Variants in SPP2 observed in about 807,000 individuals in gnomAD.
SPP2 encodes secreted phosphoprotein 2, also known as secreted phosphoprotein 24.
Under a neutral mutation model 28.8 loss-of-function variants are expected in SPP2, and 34 were observed. The ratio of observed to expected loss-of-function variants is 1.18; its 90% confidence interval spans 0.90 to 1.57. The LOEUF (loss-of-function observed/expected upper bound fraction) is 1.57, where lower values mean the gene tolerates loss of function less well. Among genes scored for constraint, SPP2 ranks in the 40% most tolerant of loss-of-function variants. The pLI is 0.00. For missense variants in SPP2, 269 were observed against 263.9 expected (o/e 1.02, Z -0.13); for synonymous variants, 96 against 89.4 (o/e 1.07, Z -0.42).
chr2:234,069,790 C>A, intron 6 of SPP2, 138 bp from the exon 7 acceptor site: 2 of 640,506 alleles, frequency 3.1e-6, no homozygotes, highest in Non-Finnish European at 2.8e-6. Flanking sequence ...AGTTATCGCA[C>A]CCTCAGGTAT....
At chr2:234,067,707 G>C (rs570506467) in intron 6 of SPP2, among the ~76,000 whole-genome samples, 1 of 141,928 alleles carries the variant, frequency 7.0e-6, no homozygotes, top group African/African-American at 2.6e-5. Context: ...AACCCGGGAG[G>C]CGGAGCTTGC....
intron 2 of SPP2, among the ~76,000 whole-genome samples, chr2:234,052,146 T>A (rs943142147): frequency 6.6e-6 from 1 of 152,216 alleles, no homozygotes; most frequent in Non-Finnish European, 1.5e-5. Context: ...GGCTATGCTT[T>A]TTTTTAGGTG....
At position 234,051,085 on chromosome 2, in the gene SPP2, C is replaced by T; in HGVS notation, c.200C>T (p.Ser67Leu). The T allele has an allele frequency of 6.2e-7, 1 of 1,613,626 alleles. No individual in the cohort carries two copies. Among genetic ancestry groups the T allele is most frequent in the Non-Finnish European group, 8.5e-7 (1 of 1,179,634 alleles). ...TATCTGTTTCGGGCATTCAGAAGCT[C>T]ATTAAAAAGAGTAAGTGCAAAATGA... is the stretch of plus-strand genomic sequence containing the variant. ...SPYLFRAFRSSLKRVEVLDEN... is the reference protein window; with the variant it reads ...SPYLFRAFRSLLKRVEVLDEN... The change falls in exon 2 of 8, where the codon TCA (serine) becomes TTA (leucine). Residue 67 changes from serine to leucine, a missense_variant. By Grantham distance (145) the Ser-to-Leu change is moderately radical. Coordinates refer to ENST00000168148, the MANE Select transcript of SPP2 (RefSeq NM_006944.3).
intron 7 of SPP2, among the ~76,000 whole-genome samples, chr2:234,076,002 G>A (rs1027388426): frequency 1.3e-5 from 2 of 152,176 alleles, no homozygotes; most frequent in Non-Finnish European, 2.9e-5. Flanking sequence ...GTTGGCTCCA[G>A]TTCCAGCTGC....
Position 234,060,393 on chromosome 2 carries a change from G to A in SPP2, c.358G>A (p.Val120Met), listed in dbSNP as rs141839502. 7.4e-5 allele frequency: 120 copies of A among 1,613,972 alleles called. 1 individual carries two copies. In the South Asian group the frequency reaches 9.3e-4, roughly 13 times the overall value. Residue 120 changes from valine to methionine, a missense_variant, in exon 4 of 8, where the codon GTG (valine) becomes ATG (methionine). By Grantham distance (21) the Val-to-Met change is conservative. Transcript: ENST00000168148. ...YVSTAVCRST[V>M]KVSAQQVQGV... ...GTCCACAGCTGTTTGCAGAAGCACC[G>A]TGAAGGTATCTGCCCAGCAGGTGCA...
At chr2:234,068,780 A>C (rs761160084) in intron 6 of SPP2, among the ~76,000 whole-genome samples, 2 of 151,362 alleles carry the variant, frequency 1.3e-5, no homozygotes, top group African/African-American at 2.4e-5. Flanking sequence ...TATTCAAAAG[A>C]TATTTGGAGA....
At chr2:234,069,786 C>G (rs772426076) in intron 6 of SPP2, 142 bp from the exon 7 acceptor site, 2 of 619,154 alleles carry the variant, frequency 3.2e-6, no homozygotes, top group Non-Finnish European at 5.9e-6. Flanking sequence ...ATGAAGTTAT[C>G]GCACCCTCAG....
intron 7 of SPP2, among the ~76,000 whole-genome samples, chr2:234,075,878 C>A (rs76792089): frequency 2.6e-5 from 4 of 152,296 alleles, no homozygotes; most frequent in Admixed American, 1.3e-4. Context: ...CTTCCAAGGT[C>A]CCCCAGGCCT....
At chr2:234,057,103 G>T (rs1423672135) in intron 2 of SPP2, among the ~76,000 whole-genome samples, 5 of 152,106 alleles carry the variant, frequency 3.3e-5, no homozygotes, top group Non-Finnish European at 7.4e-5. Flanking sequence ...GTGTTGTCAG[G>T]TACTGGACCG....
intron 2 of SPP2, among the ~76,000 whole-genome samples, chr2:234,054,812 G>A (rs1014076974): frequency 6.6e-6 from 1 of 152,156 alleles, no homozygotes; most frequent in Non-Finnish European, 1.5e-5. Context: ...GTGAGATGCT[G>A]GTGTGGGGTC....
At chr2:234,069,642 T>C (rs977860124) in intron 6 of SPP2, among the ~76,000 whole-genome samples, 1 of 152,136 alleles carries the variant, frequency 6.6e-6, no homozygotes, top group African/African-American at 2.4e-5. Flanking sequence ...AAGATAAATG[T>C]GGCAGTTCCT....
At position 234,051,882 on chromosome 2, in the gene SPP2, G is replaced by T. The variant is rs573010777; in HGVS notation, c.210+787G>T. ...CTGAAGGTCCAGGCAGCAGAGGCCAGATGGACATTGCTTTCTCTCTGTCTG... is the reference window on the plus strand; with the variant it reads ...CTGAAGGTCCAGGCAGCAGAGGCCATATGGACATTGCTTTCTCTCTGTCTG... On this transcript the variant is annotated intron_variant, in intron 2 of 7. Transcript: ENST00000168148. Among the ~76,000 whole-genome samples, 185 of 152,296 alleles carry T rather than the reference G, an allele frequency of 1.2e-3. 1 individual carries two copies. Among genetic ancestry groups the T allele is most frequent in the African/African-American group, 4.3e-3 (179 of 41,558 alleles).
intron 7 of SPP2, among the ~76,000 whole-genome samples, chr2:234,072,779 A>G (rs1278205270): frequency 6.6e-6 from 1 of 152,188 alleles, no homozygotes; most frequent in Non-Finnish European, 1.5e-5. Flanking sequence ...CCTGGTTCTG[A>G]GCCTGCTCTC....
intron 2 of SPP2, among the ~76,000 whole-genome samples, chr2:234,057,722 T>C (rs1161838480): frequency 6.6e-6 from 1 of 152,214 alleles, no homozygotes; most frequent in Non-Finnish European, 1.5e-5. Flanking sequence ...GTTTAGATTA[T>C]TTTCCTTTGT....
chr2:234,059,892 G>C (rs938700734), intron 3 of SPP2, among the ~76,000 whole-genome samples: 2 of 151,954 alleles, frequency 1.3e-5, no homozygotes, highest in Non-Finnish European at 1.5e-5. Flanking sequence ...TTTGCATTCT[G>C]AGGTTCAAGC....
chr2:234,065,411 C>G (rs1693797370), intron 4 of SPP2, among the ~76,000 whole-genome samples: 1 of 152,162 alleles, frequency 6.6e-6, no homozygotes, highest in South Asian at 2.1e-4. Flanking sequence ...TCCCAAGAAG[C>G]TGGGACTACA....
At chr2:234,057,274 C>T (rs1693627912) in intron 2 of SPP2, among the ~76,000 whole-genome samples, 1 of 152,178 alleles carries the variant, frequency 6.6e-6, no homozygotes, top group East Asian at 1.9e-4. Context: ...GCTCCAAGAC[C>T]ATACCTGACA....
At chr2:234,070,970 A>G (rs1431344227) in intron 7 of SPP2, among the ~76,000 whole-genome samples, 1 of 152,082 alleles carries the variant, frequency 6.6e-6, no homozygotes, top group African/African-American at 2.4e-5. Flanking sequence ...GCCATTGTGT[A>G]TCCTGGGTGT....
At chr2:234,065,674 T>C (rs1024737909) in intron 4 of SPP2, among the ~76,000 whole-genome samples, 2 of 152,246 alleles carry the variant, frequency 1.3e-5, no homozygotes, top group African/African-American at 4.8e-5. Flanking sequence ...TTGCCTATGA[T>C]TTAATTGCAC....
Sources: gnomAD v4.1 joint callset for allele counts (sites outside exome capture counted in the v4.1 genomes callset) on GRCh38, gnomAD v4.1.1 for gene constraint, MANE v1.5 for transcripts, NCBI Gene and HGNC (gene_info 2026-07-23, HGNC 2026-07-21) for gene names.